CDH20: variants seen among roughly 807,000 people sequenced by gnomAD.
CDH20 encodes cadherin-20.
A neutral mutation model predicts 74.2 loss-of-function variants in CDH20; 29 were observed. The observed-to-expected ratio is 0.39, with a 90% CI of 0.29 to 0.53. The LOEUF (loss-of-function observed/expected upper bound fraction) is 0.53, where lower values mean the gene tolerates loss of function less well. Among genes scored for constraint, CDH20 ranks in the 20% least tolerant of loss-of-function variants. The pLI is 0.69. For synonymous variants in CDH20, 469 were observed against 405.4 expected, an observed-to-expected ratio of 1.16 and a Z score of -1.88; for missense variants, 988 against 1,048.3, an observed-to-expected ratio of 0.94 and a Z score of 0.79.
intron 1 of CDH20, among the ~76,000 whole-genome samples, chr18:61,408,727 T>C (rs1912405890): frequency 6.6e-6 from 1 of 152,172 alleles, no homozygotes; most frequent in Non-Finnish European, 1.5e-5. Context: ...AAGTTGTTAA[T>C]CAGAACCCTG....
At chr18:61,339,147 C>T (rs1417255768) in intron 1 of CDH20, among the ~76,000 whole-genome samples, 1 of 151,862 alleles carries the variant, frequency 6.6e-6, no homozygotes. Flanking sequence ...AGTAGGAAAT[C>T]TTTAAGTTAA....
In CDH20 at chr18:61,486,221, T is replaced by C. The variant is rs368247000; in HGVS notation, c.-152-4181T>C. On this transcript the variant is annotated intron_variant, in intron 1 of 11. Coordinates refer to ENST00000262717, the MANE Select transcript of CDH20 (RefSeq NM_031891.4). ...CCTTTCAGCATATAAAACCATACTA[T>C]CCACCCTGTCCAAGACAGATCCCTA... 1.7e-4 allele frequency among the ~76,000 whole-genome samples: 26 copies of C among 152,272 alleles called. No homozygotes were observed. The East Asian group carries it at 3.5e-3, about 20-fold the overall frequency.
chr18:61,347,319 T>TATATATATATATATATACAC (rs869054502), intron 1 of CDH20, among the ~76,000 whole-genome samples: 1 of 77,400 alleles, frequency 1.3e-5, no homozygotes, highest in African/African-American at 5.8e-5. Context: ...TATATATATA[T>TATATATATATATATATACAC]ACACACACAC....
intron 1 of CDH20, among the ~76,000 whole-genome samples, chr18:61,335,646 G>A (rs1034900770): frequency 6.6e-6 from 1 of 152,190 alleles, no homozygotes; most frequent in African/African-American, 2.4e-5. Flanking sequence ...TTCGCTCTCT[G>A]CAGATACTCA....
intron 5 of CDH20, 52 bp from the exon 6 acceptor site, chr18:61,507,321 T>C: frequency 1.9e-6 from 3 of 1,551,390 alleles, no homozygotes; most frequent in Non-Finnish European, 2.6e-6. Context: ...TGATGAGGCA[T>C]TTTTTATAGT....
chr18:61,359,505 T>A (rs1259038995), intron 1 of CDH20, among the ~76,000 whole-genome samples: 2 of 152,222 alleles, frequency 1.3e-5, no homozygotes, highest in Non-Finnish European at 2.9e-5. Context: ...CTTCTAAGAA[T>A]TCACTTTTCT....
At chr18:61,448,568 A>G (rs750339064) in intron 1 of CDH20, among the ~76,000 whole-genome samples, 30 of 152,256 alleles carry the variant, frequency 2.0e-4, no homozygotes, top group Admixed American at 1.4e-3. Context: ...TTTAATAATT[A>G]GCTCATGCTC....
chr18:61,341,730 G>A (rs887789095), intron 1 of CDH20, among the ~76,000 whole-genome samples: 11 of 152,010 alleles, frequency 7.2e-5, no homozygotes, highest in African/African-American at 2.7e-4. Flanking sequence ...TGCACAAACT[G>A]GCAAGATCTC....
intron 1 of CDH20, among the ~76,000 whole-genome samples, chr18:61,466,993 A>C (rs1335770931): frequency 6.6e-6 from 1 of 152,150 alleles, no homozygotes; most frequent in East Asian, 1.9e-4. Context: ...CTCAGTGTCC[A>C]TCCTGTTCCA....
chr18:61,366,660 A>G (rs1338161681), intron 1 of CDH20, among the ~76,000 whole-genome samples: 1 of 152,130 alleles, frequency 6.6e-6, no homozygotes, highest in Non-Finnish European at 1.5e-5. Context: ...ATTTAAAATA[A>G]TTTGTTATAC....
At chr18:61,418,933 C>A in intron 1 of CDH20, among the ~76,000 whole-genome samples, 1 of 152,192 alleles carries the variant, frequency 6.6e-6, no homozygotes, top group South Asian at 2.1e-4. Context: ...ATATTATCTG[C>A]AACATGCTTT....
intron 1 of CDH20, among the ~76,000 whole-genome samples, chr18:61,432,424 G>A (rs1007178581): frequency 6.6e-6 from 1 of 151,874 alleles, no homozygotes; most frequent in East Asian, 1.9e-4. Flanking sequence ...AGTTAAACAG[G>A]GTACTTTTTT....
chr18:61,424,336 C>A (rs958442871), intron 1 of CDH20, among the ~76,000 whole-genome samples: 32 of 152,216 alleles, frequency 2.1e-4, no homozygotes, highest in Non-Finnish European at 1.0e-4. Flanking sequence ...AAGCAGTGTG[C>A]TACAAGCACT....
At chr18:61,344,521 G>A (rs1419942925) in intron 1 of CDH20, among the ~76,000 whole-genome samples, 1 of 152,108 alleles carries the variant, frequency 6.6e-6, no homozygotes, top group Non-Finnish European at 1.5e-5. Flanking sequence ...TAGAGTTTGA[G>A]ACATATGGCT....
chr18:61,364,247 G>A (rs1250515738), intron 1 of CDH20, among the ~76,000 whole-genome samples: 2 of 152,180 alleles, frequency 1.3e-5, no homozygotes. Flanking sequence ...TGGGTCACCA[G>A]GGCAGATACT....
chr18:61,531,380 T>A (rs1287229434), intron 7 of CDH20, among the ~76,000 whole-genome samples: 1 of 152,232 alleles, frequency 6.6e-6, no homozygotes, highest in African/African-American at 2.4e-5. Flanking sequence ...GCCTGCAGCC[T>A]GGAGAGCTGC....
chr18:61,370,209 T>C (rs1910989606), intron 1 of CDH20, among the ~76,000 whole-genome samples: 1 of 152,218 alleles, frequency 6.6e-6, no homozygotes, highest in Non-Finnish European at 1.5e-5. Context: ...TCTTAGTAAG[T>C]CCTTTGTGCT....
intron 9 of CDH20, 77 bp downstream of exon 9, chr18:61,539,222 A>C (rs1013450823): frequency 6.8e-7 from 1 of 1,469,838 alleles, no homozygotes; most frequent in Non-Finnish European, 9.4e-7. Flanking sequence ...CAAATTCACC[A>C]TCAAAGCCAT....
intron 1 of CDH20, among the ~76,000 whole-genome samples, chr18:61,351,767 T>C (rs1385312072): frequency 6.6e-6 from 1 of 152,144 alleles, no homozygotes. Flanking sequence ...CTTTAAAATA[T>C]ATTCCTACTA....
Sources: allele counts gnomAD v4.1 joint callset (sites outside exome capture counted in the v4.1 genomes callset), GRCh38; gene constraint gnomAD v4.1.1; transcripts MANE v1.5; gene names NCBI Gene and HGNC (gene_info 2026-07-23, HGNC 2026-07-21).